TTBK1: variants seen among roughly 807,000 people sequenced by gnomAD.
TTBK1 encodes tau-tubulin kinase 1.
A neutral mutation model predicts 108.5 loss-of-function variants in TTBK1; 34 were observed. The ratio of observed to expected loss-of-function variants is 0.31; its 90% confidence interval spans 0.24 to 0.42. The LOEUF (loss-of-function observed/expected upper bound fraction) is 0.42. Among genes scored for constraint, TTBK1 ranks in the 10% least tolerant of loss-of-function variants. The pLI is 1.00. For missense variants in TTBK1, 1,539 were observed against 1,826.0 expected (o/e 0.84, Z 2.86); for synonymous variants, 809 against 795.1 (o/e 1.02, Z -0.29).
chr6:43,281,140 G>A (rs553432314), intron 13 of TTBK1, among the ~76,000 whole-genome samples: 3 of 152,254 alleles, frequency 2.0e-5, no homozygotes, highest in South Asian at 2.1e-4. Flanking sequence ...CTGGGAGGCC[G>A]AAGCGGGTGG....
chr6:43,255,964 A>G (rs1332449067), intron 9 of TTBK1, 108 bp downstream of exon 9: 7 of 1,413,110 alleles, frequency 5.0e-6, no homozygotes, highest in East Asian at 4.6e-5. Context: ...CTTGTCCCCA[A>G]GCCTCTCCCC....
At position 43,287,221 on chromosome 6, in the gene TTBK1, C is replaced by T. The variant is rs978874180; in HGVS notation, c.*1845C>T. On this transcript the variant is annotated 3_prime_UTR_variant, in exon 15 of 15. Coordinates refer to ENST00000259750, the MANE Select transcript of TTBK1 (RefSeq NM_032538.3). The surrounding 1 kb of genome is among the most constrained non-coding windows in gnomAD (Gnocchi z 4.1). ...TGTCAACTTGAGGCCCTCCCAAGGCCCTCTACTGCCCTCTGGGTCCAGCAG... is the reference window on the plus strand; with the variant it reads ...TGTCAACTTGAGGCCCTCCCAAGGCTCTCTACTGCCCTCTGGGTCCAGCAG... 3.9e-5 allele frequency: 6 copies of T among 152,614 alleles called. No homozygotes were observed. The highest frequency in any genetic ancestry group is 1.4e-4 in the African/African-American group (6 of 41,444). The allele number at this position is 152,614 out of a possible 1,614,324, so 9.5% of individuals were successfully genotyped here. A position where few individuals can be genotyped will look rare whatever the true frequency, so the allele number is the denominator to read the frequency against.
Position 43,252,840 on chromosome 6 carries a change from C to T in TTBK1, c.210C>T (p.Pro70=). The part of the protein sequence containing the change: ...VALKVESAQQ[P]KQVLKMEVAV... ...TCAAGGTGGAGTCAGCCCAGCAGCC[C>T]AAGCAGGTCCTCAAGATGGAGGTGG... Residue 70 remains proline, a synonymous_variant, in exon 3 of 15, where the codon CCC becomes CCT. Coordinates refer to ENST00000259750, the MANE Select transcript of TTBK1 (RefSeq NM_032538.3). 6.2e-7 allele frequency: 1 copy of T among 1,613,800 alleles called. No individual in the cohort carries two copies. Among genetic ancestry groups the T allele is most frequent in the Non-Finnish European group, 8.5e-7 (1 of 1,179,926 alleles).
At chr6:43,261,139 A>G (rs1777529962) in intron 12 of TTBK1, among the ~76,000 whole-genome samples, 1 of 152,168 alleles carries the variant, frequency 6.6e-6, no homozygotes, top group Non-Finnish European at 1.5e-5. Context: ...AAGTCAATGA[A>G]AATATTGTGC....
At position 43,283,671 on chromosome 6, in the gene TTBK1, G is replaced by A. The variant is rs756556063; in HGVS notation, c.2931G>A (p.Ala977=). 7.1e-5 allele frequency: 115 copies of A among 1,613,794 alleles called. No individual in the cohort carries two copies. The South Asian group carries it at 7.4e-4, about 10-fold the overall frequency. ...GCGCTGTGGAGGAGGGGGCCCGAGC[G>A]CCCCTGGAGAACGGCCTCGCCCTGT... The part of the protein sequence containing the change: ...DGGAVEEGAR[A]PLENGLALSG... Residue 977 remains alanine, a synonymous_variant, in exon 14 of 15, where the codon GCG becomes GCA. Coordinates refer to ENST00000259750, the MANE Select transcript of TTBK1 (RefSeq NM_032538.3). The surrounding 1 kb of genome is among the most constrained non-coding windows in gnomAD (Gnocchi z 8.1).
chr6:43,257,688 C>T lies in TTBK1; in HGVS notation c.862-124C>T. On this transcript the variant is annotated intron_variant, in intron 9 of 14. Transcript: ENST00000259750. This position sits in a 1 kb window ranked among gnomAD's most constrained non-coding sequence, Gnocchi z 4.5. ...ATGTGCCGTTCTCCTTCCAATGCCC[C>T]CTCCAGGCCCATTCCTGTCCTGGAA... 1 of 890,212 alleles carries T rather than the reference C, an allele frequency of 1.1e-6. No individual in the cohort carries two copies. Among genetic ancestry groups the T allele is most frequent in the South Asian group, 1.8e-5 (1 of 56,164 alleles). 55.1% of individuals were successfully genotyped at this position (890,212 alleles called of 1,614,324 possible).
At position 43,265,425 on chromosome 6, in the gene TTBK1, C is replaced by T. The variant is rs1338225586; in HGVS notation, c.1986+2075C>T. 2.0e-5 allele frequency among the ~76,000 whole-genome samples: 3 copies of T among 152,234 alleles called. No homozygotes were observed. The highest frequency in any genetic ancestry group is 7.2e-5 in the African/African-American group (3 of 41,452). ...AGTATGCATCCAGGCCTTGCCTGGA[C>T]ACTGGAAACTGGGGGCTCAAAAAGT... is the stretch of plus-strand genomic sequence containing the variant. On this transcript the variant is annotated intron_variant, in intron 13 of 14. Coordinates refer to ENST00000259750, the MANE Select transcript of TTBK1 (RefSeq NM_032538.3). The surrounding 1 kb of genome is among the most constrained non-coding windows in gnomAD (Gnocchi z 4.1).
At chr6:43,258,876 G>A (rs1175494530) in intron 10 of TTBK1, among the ~76,000 whole-genome samples, 162 bp from the exon 11 acceptor site, 2 of 152,190 alleles carry the variant, frequency 1.3e-5, no homozygotes, top group African/African-American at 4.8e-5. Flanking sequence ...GGCTTTGTGG[G>A]CCAGCAATGG....
intron 8 of TTBK1, 36 bp from the exon 9 acceptor site, chr6:43,255,695 C>G: frequency 6.2e-7 from 1 of 1,614,094 alleles, no homozygotes; most frequent in Non-Finnish European, 8.5e-7. Context: ...GTCAGGGCAG[C>G]TGGGACTCCA....
rs750388287 is a variant in TTBK1 at position 43,283,583 on chromosome 6, C to T, written c.2843C>T (p.Ala948Val). Residue 948 changes from alanine (A) to valine (V), a missense_variant, in exon 14 of 15, where the codon GCC (alanine) becomes GTC (valine). Coordinates refer to ENST00000259750, the MANE Select transcript of TTBK1 (RefSeq NM_032538.3). The surrounding 1 kb of genome is among the most constrained non-coding windows in gnomAD (Gnocchi z 8.1). ...HLNVMSSGGQ[A>V]LRSEEFSAGG... ...AACGTCATGTCTTCCGGTGGACAAG[C>T]CTTGCGGTCTGAGGAGTTCAGCGCT... The T allele has an allele frequency of 2.5e-6, 4 of 1,614,052 alleles. No individual in the cohort carries two copies. Among genetic ancestry groups the T allele is most frequent in the South Asian group, 2.2e-5 (2 of 91,090 alleles).
Position 43,259,672 on chromosome 6 carries a change from A to T in TTBK1, c.1390A>T (p.Thr464Ser). Residue 464 changes from threonine (T) to serine (S), a missense_variant, in exon 12 of 15, where the codon ACG becomes TCG. Physicochemically the swap from Thr to Ser is moderately conservative, Grantham distance 58. Around this residue, in one of 5 missense-constraint regions of TTBK1, gnomAD observed 277 missense variants for 332.4 expected, o/e 0.83. Coordinates refer to ENST00000259750, the MANE Select transcript of TTBK1 (RefSeq NM_032538.3). This position sits in a 1 kb window ranked among gnomAD's most constrained non-coding sequence, Gnocchi z 6.7. ...VNSPESERLS[T>S]ADGRVELPER... Reference sequence around the variant, plus strand: ...CAGCCCTGAGTCAGAAAGGCTGTCCACGGCGGACGGGCGAGTGGAGCTACC... The same window carrying T: ...CAGCCCTGAGTCAGAAAGGCTGTCCTCGGCGGACGGGCGAGTGGAGCTACC... 6.2e-7 allele frequency: 1 copy of T among 1,603,832 alleles called. No individual in the cohort carries two copies. Among genetic ancestry groups the T allele is most frequent in the Non-Finnish European group, 8.5e-7 (1 of 1,175,522 alleles).
intron 13 of TTBK1, chr6:43,272,746 T>C: frequency 2.2e-6 from 2 of 904,712 alleles, no homozygotes; most frequent in Non-Finnish European, 2.6e-6. Flanking sequence ...TCACATGGTT[T>C]GGGTCGAGTT....
In TTBK1 at chr6:43,263,502, C is replaced by G. The variant is rs755277842; in HGVS notation, c.1986+152C>G. 3 of 790,122 alleles carry G rather than the reference C, an allele frequency of 3.8e-6. No homozygotes were observed. Among genetic ancestry groups the G allele is most frequent in the Non-Finnish European group, 5.4e-6 (3 of 556,348 alleles). The allele number at this position is 790,122 out of a possible 1,614,324, so 48.9% of individuals were successfully genotyped here. On this transcript the variant is annotated intron_variant, in intron 13 of 14. Transcript: ENST00000259750. The surrounding 1 kb of genome is among the most constrained non-coding windows in gnomAD (Gnocchi z 4.7). ...GGTAGACAGGCTTAAGGGTCTGAAA[C>G]CATGTTTGAGGGGCAGGCAAGGCTT...
chr6:43,279,007 A>T (rs1778077932), intron 13 of TTBK1, among the ~76,000 whole-genome samples: 1 of 152,164 alleles, frequency 6.6e-6, no homozygotes. Context: ...ACTGAGTGGG[A>T]GACACTGGAA....
rs561196271 is a variant in TTBK1 at position 43,244,497 on chromosome 6, G to A, written c.-55+789G>A. On this transcript the variant is annotated intron_variant, in intron 1 of 14. Coordinates refer to ENST00000259750, the MANE Select transcript of TTBK1 (RefSeq NM_032538.3). The stretch of plus-strand genomic sequence containing the variant: ...CCTCGCCTTCACCATGCGCCCATGT[G>A]CACATAGGGGTCTGAGGCGGCAGTA... Among the ~76,000 whole-genome samples the A allele has an allele frequency of 4.1e-4, 62 of 152,288 alleles. 2 individuals carry two copies. Among genetic ancestry groups the A allele is most frequent in the South Asian group, 3.3e-3 (16 of 4,826 alleles).
intron 10 of TTBK1, 39 bp from the exon 11 acceptor site, chr6:43,258,999 C>T: frequency 6.5e-7 from 1 of 1,528,178 alleles, no homozygotes; most frequent in Non-Finnish European, 8.9e-7. Context: ...GAGGGCACCC[C>T]TGCCAGCCTT....
chr6:43,263,289 C>T lies in TTBK1; in HGVS notation c.1925C>T (p.Pro642Leu). 2 of 1,510,366 alleles carry T rather than the reference C, an allele frequency of 1.3e-6. No homozygotes were observed. Among genetic ancestry groups the T allele is most frequent in the African/African-American group, 1.4e-5 (1 of 72,078 alleles). The allele number at this position is 1,510,366 out of a possible 1,614,324, so 93.6% of individuals were successfully genotyped here. A position where few individuals can be genotyped will look rare whatever the true frequency, so the allele number is the denominator to read the frequency against. Residue 642 changes from proline to leucine, a missense_variant, in exon 13 of 15, where the codon CCC becomes CTC. Transcript: ENST00000259750. The surrounding 1 kb of genome is among the most constrained non-coding windows in gnomAD (Gnocchi z 4.7). ...ACGCCTGGCAGCCCTTCCCACTCAC[C>T]CCTGCACTCGGGACCCCGCCCTCGA... Reference protein sequence around the residue: ...PPTPGSPSHSPLHSGPRPRRR... With the variant: ...PPTPGSPSHSLLHSGPRPRRR...
rs1383315441 is a variant in TTBK1 at position 43,253,212 on chromosome 6, G to C, written c.257-79G>C. 3 of 1,483,738 alleles carry C rather than the reference G, an allele frequency of 2.0e-6. No individual in the cohort carries two copies. The highest frequency in any genetic ancestry group is 2.8e-6 in the Non-Finnish European group (3 of 1,062,160). 91.9% of individuals were successfully genotyped at this position (1,483,738 alleles called of 1,614,324 possible). On this transcript the variant is annotated intron_variant, in intron 3 of 14. Transcript: ENST00000259750. The surrounding 1 kb of genome is among the most constrained non-coding windows in gnomAD (Gnocchi z 5.8). ...GCACTGGAGGGACCAGGAATCAAGA[G>C]TGCACTAGGAACCCATCTTAGGGTT... is the stretch of plus-strand genomic sequence containing the variant.
At chr6:43,281,002 C>A (rs1283206676) in intron 13 of TTBK1, among the ~76,000 whole-genome samples, 1 of 152,032 alleles carries the variant, frequency 6.6e-6, no homozygotes, top group Non-Finnish European at 1.5e-5. Context: ...GAGGGTGTTG[C>A]AATAAGTGAG....
Sources: allele counts gnomAD v4.1 joint callset (sites outside exome capture counted in the v4.1 genomes callset), GRCh38; gene constraint gnomAD v4.1.1; regional missense constraint gnomAD v4.1.1; non-coding constraint Gnocchi (gnomAD v3.1); transcripts MANE v1.5; gene names NCBI Gene and HGNC (gene_info 2026-07-23, HGNC 2026-07-21).